Variants in TMEM242 observed in about 807,000 individuals in gnomAD.
TMEM242 encodes transmembrane protein 242.
Under a neutral mutation model 18.2 loss-of-function variants are expected in TMEM242, and 10 were observed. That is an observed-to-expected ratio of 0.55 (90% CI 0.34 to 0.93). The LOEUF (loss-of-function observed/expected upper bound fraction) is 0.93. TMEM242 is among the 40% of genes least tolerant of loss of function. The pLI, the probability that TMEM242 is intolerant of heterozygous loss-of-function variation, is 0.02. For missense variants in TMEM242, 186 were observed against 175.5 expected, an observed-to-expected ratio of 1.06 and a Z score of -0.34; for synonymous variants, 57 against 69.9, an observed-to-expected ratio of 0.81 and a Z score of 0.92.
At chr6:157,310,543 TGCGCTCACCTAGCCTCATCATAGTGC>T (rs1777997912) in intron 3 of TMEM242, among the ~76,000 whole-genome samples, 4 of 149,622 alleles carry the variant, frequency 2.7e-5, no homozygotes, top group Middle Eastern at 3.4e-3. Context: ...TATCCCAGTG[TGCGCTCACCTAGCCTCATCATAGTGC>T]CCCAGTGTGC....
chr6:157,300,272 C>G (rs1209463957), intron 3 of TMEM242: 2 of 328,656 alleles, frequency 6.1e-6, no homozygotes, highest in East Asian at 6.8e-5. Context: ...TGCGGCTGCG[C>G]GGGCCTTGCC....
At chr6:157,295,388 C>T (rs1287357035) in intron 3 of TMEM242, among the ~76,000 whole-genome samples, 1 of 152,216 alleles carries the variant, frequency 6.6e-6, no homozygotes, top group African/African-American at 2.4e-5. Context: ...TCTCTCTGGC[C>T]AGGGTTGGCA....
intron 3 of TMEM242, among the ~76,000 whole-genome samples, chr6:157,310,421 CTCA>C (rs1554248277): frequency 7.6e-6 from 1 of 131,402 alleles, no homozygotes; most frequent in East Asian, 2.5e-4. Flanking sequence ...CTCACCTGGC[CTCA>C]TCATAGTGTC....
intron 3 of TMEM242, among the ~76,000 whole-genome samples, chr6:157,307,550 C>G (rs1046431228): frequency 6.6e-6 from 1 of 152,144 alleles, no homozygotes; most frequent in Admixed American, 6.5e-5. Flanking sequence ...CCCTGTGATT[C>G]GGGTTCTCTG....
At chr6:157,310,594 ATCATAGTGCCCCAGTGTGCC>A (rs1778001699) in intron 3 of TMEM242, among the ~76,000 whole-genome samples, 7 of 151,916 alleles carry the variant, frequency 4.6e-5, no homozygotes, top group African/African-American at 1.7e-4. Context: ...ACCCGGCCTC[ATCATAGTGCCCCAGTGTGCC>A]CTCACCTAGC....
intron 3 of TMEM242, among the ~76,000 whole-genome samples, chr6:157,311,565 G>A (rs587721297): frequency 2.0e-5 from 2 of 100,882 alleles, no homozygotes; most frequent in East Asian, 7.0e-4. Context: ...CGCTCACCTA[G>A]CCTCAACATA....
At chr6:157,312,634 G>C (rs868965312) in intron 3 of TMEM242, among the ~76,000 whole-genome samples, 4,159 of 44,080 alleles carry the variant, frequency 0.094, 87 homozygotes, top group African/African-American at 0.12. Flanking sequence ...GTGTCGCAGT[G>C]TGCACTCACC....
intron 3 of TMEM242, among the ~76,000 whole-genome samples, chr6:157,310,004 C>A (rs782217991): frequency 3.3e-5 from 5 of 152,130 alleles, no homozygotes; most frequent in Non-Finnish European, 5.9e-5. Context: ...GAGCACAGGT[C>A]CACAGACATA....
chr6:157,314,080 T>C (rs967870626), intron 3 of TMEM242, among the ~76,000 whole-genome samples: 2 of 128,298 alleles, frequency 1.6e-5, no homozygotes, highest in Non-Finnish European at 3.3e-5. Flanking sequence ...GGCCTCATCA[T>C]AGAGCCCCAG....
At chr6:157,296,817 G>A (rs1777756434) in intron 3 of TMEM242, among the ~76,000 whole-genome samples, 1 of 152,116 alleles carries the variant, frequency 6.6e-6, no homozygotes, top group African/African-American at 2.4e-5. Context: ...AAGTCCCAAT[G>A]CTTTGTGTCC....
chr6:157,294,779 C>A (rs1457321139), intron 3 of TMEM242, among the ~76,000 whole-genome samples: 1 of 152,162 alleles, frequency 6.6e-6, no homozygotes, highest in East Asian at 1.9e-4. Flanking sequence ...ACTTGTAAAT[C>A]CTAGGCATTT....
chr6:157,315,300 T>C (rs1778369125), intron 3 of TMEM242, among the ~76,000 whole-genome samples: 1 of 152,236 alleles, frequency 6.6e-6, no homozygotes. Context: ...CTTTACAGGG[T>C]AGCGCTGTCT....
intron 3 of TMEM242, among the ~76,000 whole-genome samples, chr6:157,313,414 TGTGCGCTCACCTGGCCTC>T (rs1778272358): frequency 2.8e-5 from 1 of 35,840 alleles, no homozygotes. Context: ...CAGTGTCCAG[TGTGCGCTCACCTGGCCTC>T]ATCATAGTGC....
intron 3 of TMEM242, among the ~76,000 whole-genome samples, chr6:157,314,362 G>GTGTGCGCTCACCCTGCCT (rs1778343810): frequency 2.0e-5 from 3 of 149,516 alleles, no homozygotes; most frequent in Non-Finnish European, 3.0e-5. Flanking sequence ...TAGTGTCCCA[G>GTGTGCGCTCACCCTGCCT]CATGCATTCC....
rs112900641 is a variant in TMEM242, at chr6:157,292,725, C to T, written c.*176G>A. The T allele has an allele frequency of 1.0e-2, 4,475 of 447,546 alleles. 166 individuals are homozygous for T. Among genetic ancestry groups the T allele is most frequent in the African/African-American group, 0.081 (4,058 of 50,370 alleles). 27.7% of individuals were successfully genotyped at this position (447,546 alleles called of 1,614,324 possible). On this transcript the variant is annotated 3_prime_UTR_variant, in exon 4 of 4. Transcript: ENST00000400788. ...AACTGTGGGAAAACTTTACCCTCCCCCAGCACGCACACACATACTCTCCTG... is the reference window on the plus strand; with the variant it reads ...AACTGTGGGAAAACTTTACCCTCCCTCAGCACGCACACACATACTCTCCTG...
chr6:157,313,869 A>ATCACAGTGCCCCAGTGTGCGCTCACCTG (rs1778311683), intron 3 of TMEM242, among the ~76,000 whole-genome samples: 1 of 9,440 alleles, frequency 1.1e-4, no homozygotes, highest in African/African-American at 2.6e-4. Flanking sequence ...GCACTCCCCT[A>ATCACAGTGCCCCAGTGTGCGCTCACCTG]GCCTCATCAC....
intron 3 of TMEM242, chr6:157,299,468 TG>T (rs1298814157): frequency 5.0e-6 from 7 of 1,395,026 alleles, no homozygotes; most frequent in Non-Finnish European, 7.1e-6. Flanking sequence ...GTTTTCAGAG[TG>T]GATACCAAGC....
Position 157,305,861 on chromosome 6 carries a change from C to A in TMEM242, c.328-12862G>T, listed in dbSNP as rs1411317306. On this transcript the variant is annotated intron_variant, in intron 3 of 3. Coordinates refer to ENST00000400788, the MANE Select transcript of TMEM242 (RefSeq NM_018452.6). The surrounding 1 kb of genome is among the most constrained non-coding windows in gnomAD (Gnocchi z 4.1). ...AACCTTAATAGCAGTTCCAGTGCAGCGCTGGGGCAAGGAGCTGGACTGAGA... is the reference window on the plus strand; with the variant it reads ...AACCTTAATAGCAGTTCCAGTGCAGAGCTGGGGCAAGGAGCTGGACTGAGA... 1.3e-5 allele frequency among the ~76,000 whole-genome samples: 2 copies of A among 151,996 alleles called. No individual in the cohort carries two copies. The highest frequency in any genetic ancestry group is 4.8e-5 in the African/African-American group (2 of 41,352).
chr6:157,306,225 C>T (rs1777917537), intron 3 of TMEM242, among the ~76,000 whole-genome samples: 1 of 152,118 alleles, frequency 6.6e-6, no homozygotes, highest in Non-Finnish European at 1.5e-5. Context: ...GTGTTAAGTC[C>T]AGAGAAGGTG....
Sources: allele counts gnomAD v4.1 joint callset (sites outside exome capture counted in the v4.1 genomes callset), GRCh38; gene constraint gnomAD v4.1.1; non-coding constraint Gnocchi (gnomAD v3.1); transcripts MANE v1.5; gene names NCBI Gene and HGNC (gene_info 2026-07-23, HGNC 2026-07-21).